GRID2: variants seen among roughly 807,000 people sequenced by gnomAD.
GRID2 encodes the protein glutamate receptor ionotropic, delta-2.
A neutral mutation model predicts 114.8 loss-of-function variants in GRID2; 33 were observed. That is an observed-to-expected ratio of 0.29 (90% CI 0.22 to 0.38). The LOEUF (loss-of-function observed/expected upper bound fraction) is 0.38, where lower values mean the gene tolerates loss of function less well. Among genes scored for constraint, GRID2 ranks in the 10% least tolerant of loss-of-function variants. GRID2 has a pLI of 1.00. For missense variants in GRID2, 1,184 were observed against 1,257.7 expected, an observed-to-expected ratio of 0.94 and a Z score of 0.89; for synonymous variants, 505 against 449.9, an observed-to-expected ratio of 1.12 and a Z score of -1.55.
rs1384657423 is a variant in GRID2, at chr4:92,740,730, A to AGATG, written c.244+150447_244+150448insGGAT. On this transcript the variant is annotated intron_variant, in intron 2 of 15. Coordinates refer to ENST00000282020, the MANE Select transcript of GRID2 (RefSeq NM_001510.4). The stretch of plus-strand genomic sequence containing the variant: ...TAGATAGATAGATAGATAGATAGAT[A>AGATG]GATAGATAGATGGATAGATAGATAG... Among the ~76,000 whole-genome samples, 473 of 139,220 alleles carry AGATG rather than the reference A, an allele frequency of 3.4e-3. 3 individuals carry two copies. Among genetic ancestry groups the AGATG allele is most frequent in the Non-Finnish European group, 5.9e-3 (384 of 64,954 alleles). The allele number at this position is 139,220 out of a possible 152,430, so 91.3% of individuals were successfully genotyped here.
chr4:92,420,185 G>A (rs941494584), intron 1 of GRID2, among the ~76,000 whole-genome samples: 56 of 152,056 alleles, frequency 3.7e-4, no homozygotes, highest in African/African-American at 1.3e-3. Context: ...TCAATTCTTT[G>A]CTATAGCTTT....
intron 2 of GRID2, among the ~76,000 whole-genome samples, chr4:93,020,848 C>A (rs1164479055): frequency 1.3e-5 from 2 of 152,010 alleles, no homozygotes; most frequent in Non-Finnish European, 2.9e-5. Flanking sequence ...GCCCGACCAA[C>A]ATGGCAAAAC....
chr4:92,596,682 C>T (rs574939619), intron 2 of GRID2, among the ~76,000 whole-genome samples: 1 of 151,486 alleles, frequency 6.6e-6, no homozygotes, highest in Non-Finnish European at 1.5e-5. Flanking sequence ...AGAGACAACA[C>T]CAATATGCAT....
intron 4 of GRID2, among the ~76,000 whole-genome samples, chr4:93,114,944 TAGG>T (rs1289798698): frequency 2.0e-5 from 3 of 152,114 alleles, no homozygotes; most frequent in African/African-American, 7.2e-5. Context: ...TGGAATACCG[TAGG>T]AGAACTGACT....
At chr4:92,990,967 A>G (rs1189912320) in intron 2 of GRID2, among the ~76,000 whole-genome samples, 1 of 152,198 alleles carries the variant, frequency 6.6e-6, no homozygotes, top group Non-Finnish European at 1.5e-5. Context: ...ACTATTATGA[A>G]AAGTGGGCAA....
intron 14 of GRID2, among the ~76,000 whole-genome samples, chr4:93,670,200 A>G (rs1724288647): frequency 6.6e-6 from 1 of 152,140 alleles, no homozygotes; most frequent in Non-Finnish European, 1.5e-5. Flanking sequence ...GAATGATAAT[A>G]TGGTTTTTTA....
intron 1 of GRID2, among the ~76,000 whole-genome samples, chr4:93,798,231 A>T (rs1734847944): frequency 6.6e-6 from 1 of 152,094 alleles, no homozygotes; most frequent in Non-Finnish European, 1.5e-5. Context: ...ATAAAAGGGA[A>T]ACTTGTAAAT....
intron 2 of GRID2, among the ~76,000 whole-genome samples, chr4:92,922,112 G>A (rs764109459): frequency 2.0e-5 from 3 of 152,182 alleles, no homozygotes; most frequent in African/African-American, 4.8e-5. Context: ...TGCTAGCAAT[G>A]AGTGAGGCTC....
chr4:93,463,817 G>A (rs1324249182), intron 11 of GRID2, among the ~76,000 whole-genome samples: 9 of 151,964 alleles, frequency 5.9e-5, no homozygotes, highest in Non-Finnish European at 1.0e-4. Flanking sequence ...GTGAAACCCT[G>A]TCTCTACTAA....
chr4:92,974,311 A>G lies in GRID2; in HGVS notation c.245-110684A>G, dbSNP rs567363385. On this transcript the variant is annotated intron_variant, in intron 2 of 15. Coordinates refer to ENST00000282020, the MANE Select transcript of GRID2 (RefSeq NM_001510.4). ...TCAAGGATCTAGAACTAGAAATACC[A>G]TTTGACCCAGCAATCCCATTACTAG... is the stretch of plus-strand genomic sequence containing the variant. Among the ~76,000 whole-genome samples the G allele has an allele frequency of 7.9e-5, 12 of 152,242 alleles. No homozygotes were observed. In the South Asian group the frequency reaches 2.1e-3, roughly 26 times the overall value.
chr4:92,334,626 C>G (rs1727071247), intron 1 of GRID2, among the ~76,000 whole-genome samples: 1 of 151,932 alleles, frequency 6.6e-6, no homozygotes, highest in African/African-American at 2.4e-5. Context: ...ATAATGAACC[C>G]ACTCTCTTTA....
chr4:92,596,831 C>T (rs1356763047), intron 2 of GRID2, among the ~76,000 whole-genome samples: 1 of 151,932 alleles, frequency 6.6e-6, no homozygotes, highest in Non-Finnish European at 1.5e-5. Flanking sequence ...TATTAAATGC[C>T]TAGTACTTCC....
chr4:93,304,683 G>A (rs1755235027), intron 8 of GRID2, among the ~76,000 whole-genome samples: 2 of 151,982 alleles, frequency 1.3e-5, no homozygotes. Flanking sequence ...AAAACAAATA[G>A]GACACCAGTA....
rs118121370 is a variant in GRID2 at position 93,127,843 on chromosome 4, C to T, written c.735+16890C>T. Among the ~76,000 whole-genome samples, 42 of 151,462 alleles carry T rather than the reference C, an allele frequency of 2.8e-4. 1 individual carries two copies. In the East Asian group the frequency reaches 8.2e-3, roughly 30 times the overall value. On this transcript the variant is annotated intron_variant, in intron 4 of 15. Coordinates refer to ENST00000282020, the MANE Select transcript of GRID2 (RefSeq NM_001510.4). Reference sequence around the variant, plus strand: ...CCAGCCTGGGCAACATAGGGAGACCCTATCTCTACAAAAAAATTAAAAGTT... The same window carrying T: ...CCAGCCTGGGCAACATAGGGAGACCTTATCTCTACAAAAAAATTAAAAGTT...
At chr4:92,553,278 T>A (rs528487705) in intron 1 of GRID2, among the ~76,000 whole-genome samples, 1 of 151,754 alleles carries the variant, frequency 6.6e-6, no homozygotes, top group Admixed American at 6.6e-5. Flanking sequence ...ATGAAATTTT[T>A]ATAATGTGTT....
chr4:93,669,386 A>G (rs1169481257), intron 14 of GRID2, among the ~76,000 whole-genome samples: 4 of 152,126 alleles, frequency 2.6e-5, no homozygotes, highest in African/African-American at 9.7e-5. Flanking sequence ...CATTCTTAGC[A>G]TAATGCACAG....
At chr4:93,570,574 C>T (rs1735845151) in intron 13 of GRID2, among the ~76,000 whole-genome samples, 2 of 152,074 alleles carry the variant, frequency 1.3e-5, no homozygotes, top group South Asian at 2.1e-4. Context: ...GAGATAAACA[C>T]CCAGCAAGCC....
At chr4:93,633,548 T>G (rs1376956900) in intron 14 of GRID2, among the ~76,000 whole-genome samples, 1 of 152,112 alleles carries the variant, frequency 6.6e-6, no homozygotes, top group African/African-American at 2.4e-5. Context: ...TCTACTTAAC[T>G]TTTTGGCTAA....
intron 12 of GRID2, among the ~76,000 whole-genome samples, chr4:93,494,901 T>C (rs1167901193): frequency 6.6e-6 from 1 of 151,842 alleles, no homozygotes; most frequent in Non-Finnish European, 1.5e-5. Context: ...AAGCACTGGA[T>C]AATAGCATCA....
Sources: gnomAD v4.1 joint callset for allele counts (sites outside exome capture counted in the v4.1 genomes callset) on GRCh38, gnomAD v4.1.1 for gene constraint, MANE v1.5 for transcripts, NCBI Gene and HGNC (gene_info 2026-07-23, HGNC 2026-07-21) for gene names.